ANKRD31: variants seen among roughly 807,000 people sequenced by gnomAD.
The protein encoded by ANKRD31 is ankyrin repeat domain-containing protein 31.
ANKRD31 carries 147 observed loss-of-function variants against 186.0 expected under a neutral mutation model. That is an observed-to-expected ratio of 0.79 (90% confidence interval 0.69 to 0.91). The LOEUF is 0.91. Among genes scored for constraint, ANKRD31 ranks in the 40% least tolerant of loss-of-function variants. ANKRD31 has a pLI of 0.00. For synonymous variants in ANKRD31, 673 were observed against 736.4 expected, an observed-to-expected ratio of 0.91 and a Z score of 1.39; for missense variants, 1,986 against 2,148.8, an observed-to-expected ratio of 0.92 and a Z score of 1.50.
chr5:75,230,757 G>C, intron 1 of ANKRD31, 122 bp from the exon 2 acceptor site: 3 of 602,636 alleles, frequency 5.0e-6, no homozygotes, highest in Non-Finnish European at 8.4e-6. Context: ...CACTATTAAT[G>C]TTTCTATTTC....
intron 23 of ANKRD31, among the ~76,000 whole-genome samples, chr5:75,087,344 T>A (rs10440682): frequency 0.02 from 3,069 of 151,748 alleles, 47 homozygotes; most frequent in Middle Eastern, 0.058. Flanking sequence ...CCGTCTCTAC[T>A]AAAAATACAA....
At chr5:75,181,360 T>C (rs1754278132) in intron 10 of ANKRD31, among the ~76,000 whole-genome samples, 1 of 152,120 alleles carries the variant, frequency 6.6e-6, no homozygotes, top group Non-Finnish European at 1.5e-5. Context: ...AGAAATACCA[T>C]TTGACCCAGC....
At chr5:75,150,249 C>G (rs950272909) in intron 12 of ANKRD31, among the ~76,000 whole-genome samples, 4 of 151,648 alleles carry the variant, frequency 2.6e-5, no homozygotes, top group African/African-American at 9.7e-5. Context: ...AGGACTGAAC[C>G]CTTGTCCTAC....
intron 11 of ANKRD31, among the ~76,000 whole-genome samples, chr5:75,168,041 T>C (rs770930939): frequency 8.6e-5 from 13 of 151,076 alleles, no homozygotes; most frequent in Non-Finnish European, 1.6e-4. Context: ...CTCTAAACTA[T>C]ATGCAAAAAT....
chr5:75,121,427 C>G (rs1748780465), intron 17 of ANKRD31, among the ~76,000 whole-genome samples: 1 of 152,044 alleles, frequency 6.6e-6, no homozygotes, highest in Non-Finnish European at 1.5e-5. Flanking sequence ...GAAAGAAACA[C>G]AGGAGTTAAA....
chr5:75,220,468 T>C (rs1240337868), intron 3 of ANKRD31, among the ~76,000 whole-genome samples: 3 of 151,890 alleles, frequency 2.0e-5, no homozygotes, highest in Non-Finnish European at 4.4e-5. Context: ...AGAGAAGCCC[T>C]GTCTCTACTA....
intron 17 of ANKRD31, among the ~76,000 whole-genome samples, chr5:75,125,961 T>C (rs6453116): frequency 0.16 from 23,664 of 152,224 alleles, 2,089 homozygotes; most frequent in African/African-American, 0.24. Context: ...AGAGACATTC[T>C]ACCATCACAA....
At chr5:75,176,456 C>T (rs990217721) in intron 10 of ANKRD31, among the ~76,000 whole-genome samples, 1 of 152,146 alleles carries the variant, frequency 6.6e-6, no homozygotes, top group Non-Finnish European at 1.5e-5. Context: ...CCCTGACCCC[C>T]GAGTAGCCTA....
Position 75,084,346 on chromosome 5 carries a change from C to T in ANKRD31, c.5501G>A (p.Arg1834Lys), listed in dbSNP as rs4489037. 14 of 1,537,002 alleles carry T rather than the reference C, an allele frequency of 9.1e-6. No individual in the cohort carries two copies. Among genetic ancestry groups the T allele is most frequent in the Middle Eastern group, 1.7e-4 (1 of 5,988 alleles). ...KVTYLGKELL[R>K]YVSEDAPILP... ...TATGGGTGCATCCTCAGAAACATACCTTAAAAGCTCCTTCCCAAGATACGT... is the reference window on the plus strand; with the variant it reads ...TATGGGTGCATCCTCAGAAACATACTTTAAAAGCTCCTTCCCAAGATACGT... The change falls in exon 24 of 26, where the codon AGG (arginine) becomes AAG (lysine). Residue 1834 changes from arginine (R) to lysine (K), a missense_variant. Physicochemically the swap from Arg to Lys is conservative, Grantham distance 26. Transcript: ENST00000506364.
intron 23 of ANKRD31, among the ~76,000 whole-genome samples, chr5:75,087,520 A>G (rs1044958032): frequency 3.9e-5 from 6 of 152,122 alleles, no homozygotes; most frequent in African/African-American, 1.2e-4. Flanking sequence ...AAGAAAAAAA[A>G]AAAGAAAGAA....
chr5:75,222,430 T>C (rs976392010), intron 2 of ANKRD31, 72 bp from the exon 3 acceptor site: 1 of 1,036,330 alleles, frequency 9.6e-7, no homozygotes, highest in Admixed American at 2.6e-5. Context: ...CCCAATAATT[T>C]TATACGCATG....
At chr5:75,216,837 T>C (rs955964707) in intron 3 of ANKRD31, among the ~76,000 whole-genome samples, 7 of 152,154 alleles carry the variant, frequency 4.6e-5, no homozygotes, top group African/African-American at 2.4e-5. Flanking sequence ...TTGAGATCTT[T>C]CTAACTTTTT....
intron 10 of ANKRD31, 118 bp downstream of exon 10, chr5:75,188,375 C>T (rs1426718090): frequency 2.0e-6 from 2 of 985,448 alleles, no homozygotes; most frequent in Admixed American, 3.4e-5. Context: ...GGAAAATGAT[C>T]TGAAAGCCTT....
At chr5:75,122,749 T>C (rs1409121895) in intron 17 of ANKRD31, among the ~76,000 whole-genome samples, 3 of 151,946 alleles carry the variant, frequency 2.0e-5, no homozygotes, top group Non-Finnish European at 4.4e-5. Context: ...TGATAAAAAC[T>C]CTCAACAAAC....
intron 17 of ANKRD31, among the ~76,000 whole-genome samples, chr5:75,126,097 GT>G (rs1176502554): frequency 5.9e-5 from 9 of 152,158 alleles, no homozygotes; most frequent in African/African-American, 2.2e-4. Context: ...TCAGAATGCA[GT>G]TTTTGTGTCT....
At chr5:75,169,559 T>C (rs1462822782) in intron 10 of ANKRD31, among the ~76,000 whole-genome samples, 9 of 152,204 alleles carry the variant, frequency 5.9e-5, no homozygotes, top group Non-Finnish European at 1.3e-4. Flanking sequence ...TATTCATTTT[T>C]TCTCCTTCTT....
At chr5:75,086,941 C>T (rs1215754759) in intron 23 of ANKRD31, among the ~76,000 whole-genome samples, 1 of 152,108 alleles carries the variant, frequency 6.6e-6, no homozygotes, top group Non-Finnish European at 1.5e-5. Flanking sequence ...ACTCAGCCAG[C>T]CAGTATTCTG....
At chr5:75,087,802 T>C (rs1412845329) in intron 23 of ANKRD31, among the ~76,000 whole-genome samples, 1 of 152,118 alleles carries the variant, frequency 6.6e-6, no homozygotes, top group African/African-American at 2.4e-5. Flanking sequence ...AGACAGAAAG[T>C]AGTTTCAAAG....
chr5:75,092,988 G>T (rs1746037876), intron 22 of ANKRD31, among the ~76,000 whole-genome samples: 1 of 152,076 alleles, frequency 6.6e-6, no homozygotes, highest in Admixed American at 6.5e-5. Flanking sequence ...TACCAAAGAG[G>T]CTCAACAGAT....
Sources: gnomAD v4.1 joint callset for allele counts (sites outside exome capture counted in the v4.1 genomes callset) on GRCh38, gnomAD v4.1.1 for gene constraint, MANE v1.5 for transcripts, NCBI Gene and HGNC (gene_info 2026-07-23, HGNC 2026-07-21) for gene names.